PCDH9: variants seen among roughly 807,000 people sequenced by gnomAD.
The protein encoded by PCDH9 is protocadherin-9.
In PCDH9, 24 loss-of-function variants were observed where a neutral mutation model predicts 70.6. The ratio of observed to expected loss-of-function variants is 0.34; its 90% CI spans 0.25 to 0.48. The LOEUF (loss-of-function observed/expected upper bound fraction) is 0.48. PCDH9 is among the 20% of genes least tolerant of loss of function. The probability of loss-of-function intolerance (pLI) is 0.99; values close to 1 mark genes in which losing one functional copy is unlikely to be tolerated. For missense variants in PCDH9, 1,281 were observed against 1,503.6 expected (o/e 0.85, Z 2.45); for synonymous variants, 562 against 558.5 (o/e 1.01, Z -0.09).
chr13:66,887,003 T>A (rs2082014606), intron 3 of PCDH9, among the ~76,000 whole-genome samples: 2 of 150,900 alleles, frequency 1.3e-5, no homozygotes, highest in African/African-American at 4.9e-5. Flanking sequence ...GTGTTCTCTC[T>A]CTCTCTAATT....
chr13:66,715,614 A>G (rs960371858), intron 3 of PCDH9, among the ~76,000 whole-genome samples: 3 of 152,132 alleles, frequency 2.0e-5, no homozygotes, highest in Admixed American at 1.3e-4. Context: ...CACATATATA[A>G]TTCATCATTG....
intron 4 of PCDH9, among the ~76,000 whole-genome samples, chr13:66,426,921 A>G (rs1593961159): frequency 1.3e-5 from 2 of 151,702 alleles, no homozygotes; most frequent in Non-Finnish European, 1.5e-5. Context: ...AAGTATAATT[A>G]CTGCCTAGTT....
intron 4 of PCDH9, among the ~76,000 whole-genome samples, chr13:66,414,635 T>C (rs1161708727): frequency 1.3e-5 from 2 of 152,192 alleles, no homozygotes; most frequent in Non-Finnish European, 2.9e-5. Context: ...GGCTTATAGT[T>C]TTTGCAGGAT....
At chr13:66,463,592 C>T (rs529247280) in intron 4 of PCDH9, among the ~76,000 whole-genome samples, 7 of 151,714 alleles carry the variant, frequency 4.6e-5, no homozygotes, top group South Asian at 4.1e-4. Flanking sequence ...TGAGATACTG[C>T]GTTTTCACCA....
intron 4 of PCDH9, among the ~76,000 whole-genome samples, chr13:66,515,283 G>T (rs560075945): frequency 6.6e-6 from 1 of 151,926 alleles, no homozygotes; most frequent in South Asian, 2.1e-4. Flanking sequence ...AAATATAATT[G>T]GTGTTTGAAC....
At chr13:66,760,846 A>AT (rs1443282789) in intron 3 of PCDH9, among the ~76,000 whole-genome samples, 1 of 151,994 alleles carries the variant, frequency 6.6e-6, no homozygotes, top group Non-Finnish European at 1.5e-5. Context: ...GGGAGTGTCT[A>AT]TCTTATGCAG....
chr13:67,074,821 A>T (rs572314221), intron 2 of PCDH9, among the ~76,000 whole-genome samples: 7 of 152,294 alleles, frequency 4.6e-5, no homozygotes, highest in Non-Finnish European at 7.4e-5. Flanking sequence ...TAAGCAAAAA[A>T]GTTATAAACT....
chr13:67,006,777 GA>G (rs1566358530), intron 2 of PCDH9, among the ~76,000 whole-genome samples: 2 of 151,866 alleles, frequency 1.3e-5, no homozygotes, highest in Non-Finnish European at 2.9e-5. Context: ...TTGATTATTA[GA>G]TCTAATATAT....
At chr13:67,121,892 A>T (rs892456838) in intron 2 of PCDH9, among the ~76,000 whole-genome samples, 2 of 152,038 alleles carry the variant, frequency 1.3e-5, no homozygotes, top group African/African-American at 4.8e-5. Context: ...TTGTTTTTTT[A>T]AAATGGCATC....
chr13:66,931,771 G>A (rs779055250), intron 2 of PCDH9, among the ~76,000 whole-genome samples: 1 of 151,970 alleles, frequency 6.6e-6, no homozygotes, highest in Non-Finnish European at 1.5e-5. Context: ...GTGTACTCTG[G>A]TTTAATATTA....
intron 3 of PCDH9, among the ~76,000 whole-genome samples, chr13:66,671,739 T>G (rs192010465): frequency 6.6e-6 from 1 of 152,324 alleles, no homozygotes; most frequent in Non-Finnish European, 1.5e-5. Context: ...GCATTCAAGA[T>G]GTGACTTGGG....
intron 4 of PCDH9, among the ~76,000 whole-genome samples, chr13:66,508,794 A>AAT (rs1408537929): frequency 6.6e-6 from 1 of 152,216 alleles, no homozygotes; most frequent in Non-Finnish European, 1.5e-5. Context: ...GTTTTGTGAA[A>AAT]ATATGTTTAG....
chr13:66,417,774 A>C (rs1957487480), intron 4 of PCDH9, among the ~76,000 whole-genome samples: 1 of 152,044 alleles, frequency 6.6e-6, no homozygotes, highest in South Asian at 2.1e-4. Context: ...GAGCTTTTTT[A>C]CATATGTTTG....
chr13:66,676,509 A>T (rs1322696376), intron 3 of PCDH9, among the ~76,000 whole-genome samples: 2 of 152,156 alleles, frequency 1.3e-5, no homozygotes, highest in African/African-American at 4.8e-5. Flanking sequence ...GACTTAAGAT[A>T]TACGCTTCAA....
chr13:66,510,967 T>C (rs1959442651), intron 4 of PCDH9, among the ~76,000 whole-genome samples: 1 of 152,194 alleles, frequency 6.6e-6, no homozygotes, highest in Non-Finnish European at 1.5e-5. Flanking sequence ...AACTAGGTAA[T>C]GTTTGGAAGC....
chr13:66,912,744 C>A (rs1421337200), intron 2 of PCDH9, among the ~76,000 whole-genome samples: 1 of 151,664 alleles, frequency 6.6e-6, no homozygotes, highest in African/African-American at 2.4e-5. Flanking sequence ...CATAAATAAA[C>A]CATATACCTT....
At chr13:66,321,517 C>CTAG (rs1955753974) in intron 4 of PCDH9, among the ~76,000 whole-genome samples, 1 of 151,794 alleles carries the variant, frequency 6.6e-6, no homozygotes, top group African/African-American at 2.4e-5. Context: ...ACCTTAGGAG[C>CTAG]TAGTGCTCTT....
chr13:66,890,001 T>C (rs2082070048), intron 3 of PCDH9, among the ~76,000 whole-genome samples: 1 of 152,108 alleles, frequency 6.6e-6, no homozygotes. Context: ...AACAATTCAG[T>C]AAACAAAAAG....
intron 4 of PCDH9, among the ~76,000 whole-genome samples, chr13:66,432,858 C>T (rs1957797883): frequency 6.6e-6 from 1 of 152,036 alleles, no homozygotes; most frequent in South Asian, 2.1e-4. Flanking sequence ...TAGCACCCTA[C>T]TGGCTTGTAT....
Sources: allele counts gnomAD v4.1 joint callset (sites outside exome capture counted in the v4.1 genomes callset), GRCh38; gene constraint gnomAD v4.1.1; transcripts MANE v1.5; gene names NCBI Gene and HGNC (gene_info 2026-07-23, HGNC 2026-07-21).